Variants in IMMP2L observed in about 807,000 individuals in gnomAD.
IMMP2L encodes inner mitochondrial membrane peptidase subunit 2.
In IMMP2L, 18 loss-of-function variants were observed where a neutral mutation model predicts 19.3. That is an observed-to-expected ratio of 0.93 (90% CI 0.64 to 1.38). The LOEUF is 1.38. Ranked by LOEUF, IMMP2L falls within the 40% of genes most tolerant of loss-of-function variation. The pLI is 0.00. For missense variants in IMMP2L, 233 were observed against 218.2 expected (o/e 1.07, Z -0.43); for synonymous variants, 76 against 73.0 (o/e 1.04, Z -0.21).
At chr7:111,055,485 G>T (rs1370872940) in intron 3 of IMMP2L, among the ~76,000 whole-genome samples, 1 of 152,032 alleles carries the variant, frequency 6.6e-6, no homozygotes, top group African/African-American at 2.4e-5. Flanking sequence ...ACCCTGACAG[G>T]GATTCTCTTC....
chr7:111,016,796 T>C (rs1194184053), intron 3 of IMMP2L, among the ~76,000 whole-genome samples: 4 of 73,900 alleles, frequency 5.4e-5, no homozygotes, highest in Non-Finnish European at 9.5e-5. Flanking sequence ...TACTATATAA[T>C]ATATAATATA....
chr7:111,523,316 C>T (rs1156952291), intron 1 of IMMP2L, among the ~76,000 whole-genome samples: 1 of 151,976 alleles, frequency 6.6e-6, no homozygotes, highest in Non-Finnish European at 1.5e-5. Context: ...TTAGGTAATG[C>T]ATTTATTAAT....
intron 1 of IMMP2L, among the ~76,000 whole-genome samples, chr7:111,558,771 T>C (rs1791674196): frequency 6.6e-6 from 1 of 152,190 alleles, no homozygotes; most frequent in African/African-American, 2.4e-5. Context: ...TTAGTACCTT[T>C]AGGAAAGTAA....
At chr7:111,187,157 G>T (rs944261958) in intron 3 of IMMP2L, among the ~76,000 whole-genome samples, 1 of 152,138 alleles carries the variant, frequency 6.6e-6, no homozygotes, top group Non-Finnish European at 1.5e-5. Context: ...GCAAAGCAGT[G>T]TAAGAGAATG....
chr7:110,802,712 T>G (rs1414053832), intron 5 of IMMP2L, among the ~76,000 whole-genome samples: 1 of 152,036 alleles, frequency 6.6e-6, no homozygotes, highest in African/African-American at 2.4e-5. Flanking sequence ...TCTGCTCTCT[T>G]TAAAGCACAA....
chr7:111,477,616 C>T (rs144107767), intron 3 of IMMP2L, among the ~76,000 whole-genome samples: 120 of 152,024 alleles, frequency 7.9e-4, no homozygotes, highest in Middle Eastern at 3.4e-3. Context: ...AGACTTTTAT[C>T]GGCCGGACAC....
rs573870644 is a variant in IMMP2L at position 110,813,079 on chromosome 7, T to A, written c.408+73514A>T. ...TTGCAGTAAAATGTTTTCCCCTATA[T>A]TTTACCACTAACCTCTTTTTTCAGG... On this transcript the variant is annotated intron_variant, in intron 5 of 5. Transcript: ENST00000405709. Among the ~76,000 whole-genome samples, 6 of 152,140 alleles carry A rather than the reference T, an allele frequency of 3.9e-5. No homozygotes were observed. The East Asian group carries it at 1.2e-3, about 30-fold the overall frequency.
intron 1 of IMMP2L, among the ~76,000 whole-genome samples, chr7:111,529,588 G>A (rs1847203964): frequency 6.6e-6 from 1 of 151,904 alleles, no homozygotes; most frequent in Non-Finnish European, 1.5e-5. Context: ...AAAGAAATAA[G>A]AAAGAAAGAG....
At chr7:110,781,598 T>G (rs2131084272) in intron 5 of IMMP2L, among the ~76,000 whole-genome samples, 1 of 151,944 alleles carries the variant, frequency 6.6e-6, no homozygotes, top group South Asian at 2.1e-4. Flanking sequence ...GCATAGAATA[T>G]GCTTCCAAAA....
At chr7:111,178,511 A>C (rs1039849372) in intron 3 of IMMP2L, among the ~76,000 whole-genome samples, 2 of 152,054 alleles carry the variant, frequency 1.3e-5, no homozygotes, top group Non-Finnish European at 2.9e-5. Context: ...TTTGCAGCAC[A>C]TGATGCTGTT....
intron 3 of IMMP2L, among the ~76,000 whole-genome samples, chr7:111,198,782 A>G (rs1441243125): frequency 1.3e-5 from 2 of 152,082 alleles, no homozygotes; most frequent in Non-Finnish European, 2.9e-5. Context: ...TTCTTCCATC[A>G]TACTTATATC....
chr7:111,195,155 T>C (rs1809333345), intron 3 of IMMP2L, among the ~76,000 whole-genome samples: 2 of 152,116 alleles, frequency 1.3e-5, no homozygotes, highest in South Asian at 4.1e-4. Context: ...TGGCTTCCAT[T>C]TATATTTACA....
intron 5 of IMMP2L, among the ~76,000 whole-genome samples, chr7:110,735,353 CTCTT>C (rs1796546293): frequency 6.6e-6 from 1 of 152,044 alleles, no homozygotes; most frequent in Non-Finnish European, 1.5e-5. Context: ...GAGAGCTATT[CTCTT>C]TCTTTCACCA....
intron 3 of IMMP2L, among the ~76,000 whole-genome samples, chr7:111,373,040 C>A (rs1830388006): frequency 6.6e-6 from 1 of 151,352 alleles, no homozygotes; most frequent in African/African-American, 2.4e-5. Context: ...AGAGACTTGC[C>A]CCTACAATAT....
chr7:111,264,874 G>T (rs1244404995), intron 3 of IMMP2L, among the ~76,000 whole-genome samples: 1 of 152,040 alleles, frequency 6.6e-6, no homozygotes, highest in East Asian at 1.9e-4. Context: ...ATATGCTGTA[G>T]GGCAGGAACC....
At chr7:111,314,954 C>T (rs550052469) in intron 3 of IMMP2L, among the ~76,000 whole-genome samples, 1 of 152,078 alleles carries the variant, frequency 6.6e-6, no homozygotes, top group African/African-American at 2.4e-5. Context: ...TTTAATATGC[C>T]AAATTCACAC....
chr7:111,048,156 C>T (rs1455686093), intron 3 of IMMP2L, among the ~76,000 whole-genome samples: 1 of 132,316 alleles, frequency 7.6e-6, no homozygotes, highest in South Asian at 2.5e-4. Flanking sequence ...AGGAGAATGG[C>T]GTGAACCCGG....
chr7:110,968,047 T>C (rs1190733337), intron 3 of IMMP2L, among the ~76,000 whole-genome samples: 1 of 152,064 alleles, frequency 6.6e-6, no homozygotes, highest in East Asian at 1.9e-4. Context: ...CATGTGATGG[T>C]CCTCTTGTGC....
intron 3 of IMMP2L, among the ~76,000 whole-genome samples, chr7:111,115,865 C>G (rs1799822619): frequency 6.6e-6 from 1 of 151,930 alleles, no homozygotes; most frequent in Non-Finnish European, 1.5e-5. Flanking sequence ...TTACTAGAGA[C>G]TGGGTTTCAC....
Sources: allele counts gnomAD v4.1 joint callset (sites outside exome capture counted in the v4.1 genomes callset), GRCh38; gene constraint gnomAD v4.1.1; transcripts MANE v1.5; gene names NCBI Gene and HGNC (gene_info 2026-07-23, HGNC 2026-07-21).